The following MARK1 variants were observed in gnomAD, a reference collection of about 807,000 sequenced individuals.
MARK1 encodes microtubule affinity regulating kinase 1.
MARK1 carries 40 observed loss-of-function variants against 96.3 expected under a neutral mutation model. The observed-to-expected ratio is 0.42, with a 90% confidence interval of 0.32 to 0.54. The LOEUF is 0.54. MARK1 is among the 20% of genes least tolerant of loss of function. The pLI is 0.16. For synonymous variants in MARK1, 317 were observed against 341.2 expected (o/e 0.93, Z 0.78); for missense variants, 719 against 984.6 (o/e 0.73, Z 3.61).
At chr1:220,574,425 G>T (rs1663690892) in intron 1 of MARK1, among the ~76,000 whole-genome samples, 1 of 152,094 alleles carries the variant, frequency 6.6e-6, no homozygotes, top group African/African-American at 2.4e-5. Flanking sequence ...TTTTTCCCAA[G>T]GTTTTCTCTC....
chr1:220,552,656 GAA>G (rs971415847), intron 1 of MARK1, among the ~76,000 whole-genome samples: 4 of 152,198 alleles, frequency 2.6e-5, no homozygotes, highest in African/African-American at 9.7e-5. Flanking sequence ...CTATAATGGT[GAA>G]AATGTATTCT....
chr1:220,630,981 A>G lies in MARK1; in HGVS notation c.910-54A>G. The G allele has an allele frequency of 2.5e-6, 3 of 1,222,540 alleles. No individual in the cohort carries two copies. The South Asian group carries it at 3.8e-5, about 15-fold the overall frequency. The allele number at this position is 1,222,540 out of a possible 1,614,324, so 75.7% of individuals were successfully genotyped here. A position where few individuals can be genotyped will look rare whatever the true frequency, so the allele number is the denominator to read the frequency against. ...TTACATTTGCTAAAATAGAGCTATA[A>G]TAAGTGGCTGAATGTTCTGATTGAC... is the stretch of plus-strand genomic sequence containing the variant. On this transcript the variant is annotated intron_variant, in intron 9 of 17. Coordinates refer to ENST00000366917, the MANE Select transcript of MARK1 (RefSeq NM_018650.5).
intron 6 of MARK1, among the ~76,000 whole-genome samples, chr1:220,615,662 A>G (rs894542628): frequency 4.6e-5 from 7 of 152,206 alleles, no homozygotes; most frequent in Non-Finnish European, 7.4e-5. Context: ...ACATAAACAG[A>G]GAACTATAAA....
rs139553519 is a variant in MARK1 at position 220,651,947 on chromosome 1, T to C, written c.1572-39T>C. On this transcript the variant is annotated intron_variant, in intron 14 of 17. Transcript: ENST00000366917. ...TTTTAGTAAACCACAAATTTTCCTC[T>C]TTTTTTCCATGGTCTTCTCAACTGC... The C allele has an allele frequency of 2.0e-4, 297 of 1,452,698 alleles. 1 individual carries two copies. In the African/African-American group the frequency reaches 3.9e-3, roughly 19 times the overall value. The allele number at this position is 1,452,698 out of a possible 1,614,324, so 90.0% of individuals were successfully genotyped here.
At chr1:220,572,160 C>T (rs74856619) in intron 1 of MARK1, 12 of 152,310 alleles carry the variant, frequency 7.9e-5, no homozygotes, top group Non-Finnish European at 1.6e-4. Context: ...AGTTTAAGAA[C>T]TATGTGCTTT....
chr1:220,585,398 C>G (rs1488399104), intron 3 of MARK1, among the ~76,000 whole-genome samples: 2 of 152,114 alleles, frequency 1.3e-5, no homozygotes, highest in Non-Finnish European at 2.9e-5. Flanking sequence ...ATATTAATAT[C>G]TGGCTAAAAT....
chr1:220,596,187 G>A (rs1665331514), intron 3 of MARK1, among the ~76,000 whole-genome samples: 1 of 152,058 alleles, frequency 6.6e-6, no homozygotes, highest in South Asian at 2.1e-4. Flanking sequence ...AAGATAAAGG[G>A]GGCTAAGGGC....
chr1:220,586,757 A>G (rs923777507), intron 3 of MARK1, among the ~76,000 whole-genome samples: 3 of 152,222 alleles, frequency 2.0e-5, no homozygotes, highest in African/African-American at 2.4e-5. Context: ...TAAGTCACCT[A>G]TGAAGTTTAG....
chr1:220,631,043 G>A lies in MARK1; in HGVS notation c.918G>A (p.Met306Ile). Residue 306 changes from methionine to isoleucine, a missense_variant, in exon 10 of 18, where the codon ATG (methionine) becomes ATA (isoleucine). Met to Ile is a conservative substitution (Grantham distance 10). Transcript: ENST00000366917. The part of the protein sequence containing the change: ...PIKRGSLEQI[M>I]KDRWMNVGHE... ...TAGAGTTTATTTCCTAGCAAATAAT[G>A]AAAGATCGATGGATGAATGTTGGTC... The A allele has an allele frequency of 6.2e-7, 1 of 1,609,390 alleles. No homozygotes were observed. The highest frequency in any genetic ancestry group is 2.2e-5 in the East Asian group (1 of 44,762).
intron 11 of MARK1, among the ~76,000 whole-genome samples, chr1:220,634,804 A>G (rs1667855702): frequency 6.6e-6 from 1 of 152,108 alleles, no homozygotes; most frequent in Non-Finnish European, 1.5e-5. Context: ...CTAAATAAAT[A>G]TAATTTCCTG....
chr1:220,583,712 G>A (rs976651830), intron 3 of MARK1, among the ~76,000 whole-genome samples: 4 of 149,930 alleles, frequency 2.7e-5, no homozygotes, highest in Non-Finnish European at 4.4e-5. Context: ...GCAGTGGCGC[G>A]ATCTGAGCTC....
chr1:220,568,339 T>C (rs1663205880), intron 1 of MARK1, among the ~76,000 whole-genome samples: 1 of 152,196 alleles, frequency 6.6e-6, no homozygotes, highest in South Asian at 2.1e-4. Context: ...CAAACTGATA[T>C]CTGAGAGAAG....
Position 220,540,367 on chromosome 1 carries a change from C to T in MARK1, c.51+11494C>T, listed in dbSNP as rs1385993768. On this transcript the variant is annotated intron_variant, in intron 1 of 17. Coordinates refer to ENST00000366917, the MANE Select transcript of MARK1 (RefSeq NM_018650.5). ...GAGAAATAAATTTTCCGTTTTTTTTCTTTATATTCCAATCGGGCTCTCTCA... is the reference window on the plus strand; with the variant it reads ...GAGAAATAAATTTTCCGTTTTTTTTTTTTATATTCCAATCGGGCTCTCTCA... Among the ~76,000 whole-genome samples the T allele has an allele frequency of 3.3e-5, 5 of 151,956 alleles. No homozygotes were observed. The East Asian group carries it at 9.7e-4, about 30-fold the overall frequency.
intron 1 of MARK1, among the ~76,000 whole-genome samples, chr1:220,575,223 T>C (rs995050599): frequency 6.6e-6 from 1 of 152,182 alleles, no homozygotes; most frequent in African/African-American, 2.4e-5. Flanking sequence ...ACATTACCAC[T>C]GCTGCAGAAA....
intron 7 of MARK1, among the ~76,000 whole-genome samples, chr1:220,616,354 A>G (rs900661491): frequency 1.3e-5 from 2 of 152,148 alleles, no homozygotes; most frequent in East Asian, 1.9e-4. Context: ...CAGTATTCAC[A>G]CTCTACCTTA....
At chr1:220,577,594 G>T (rs1191492491) in intron 1 of MARK1, among the ~76,000 whole-genome samples, 2 of 152,182 alleles carry the variant, frequency 1.3e-5, no homozygotes, top group African/African-American at 4.8e-5. Flanking sequence ...AGTAGGTCTG[G>T]AATAAGACCA....
chr1:220,576,933 A>G (rs1159067301), intron 1 of MARK1, among the ~76,000 whole-genome samples: 1 of 152,162 alleles, frequency 6.6e-6, no homozygotes, highest in Non-Finnish European at 1.5e-5. Flanking sequence ...AGACATAGAA[A>G]GCTGTGTGGA....
intron 1 of MARK1, among the ~76,000 whole-genome samples, chr1:220,545,439 G>GTT (rs35422682): frequency 0.07 from 6,073 of 86,992 alleles, 361 homozygotes; most frequent in East Asian, 0.2. Context: ...CTTTCTCATG[G>GTT]TTTTTTTTTT....
At chr1:220,573,858 A>G (rs1234453027) in intron 1 of MARK1, among the ~76,000 whole-genome samples, 2 of 151,904 alleles carry the variant, frequency 1.3e-5, no homozygotes, top group African/African-American at 4.8e-5. Flanking sequence ...GTATATATGT[A>G]GTATATATTG....
Sources: allele counts gnomAD v4.1 joint callset (sites outside exome capture counted in the v4.1 genomes callset), GRCh38; gene constraint gnomAD v4.1.1; transcripts MANE v1.5; gene names NCBI Gene and HGNC (gene_info 2026-07-23, HGNC 2026-07-21).